Variants in CEP128 observed in about 807,000 individuals in gnomAD.
The protein encoded by CEP128 is centrosomal protein 128kDa.
A neutral mutation model predicts 156.7 loss-of-function variants in CEP128; 132 were observed. That is an observed-to-expected ratio of 0.84 (90% CI 0.73 to 0.97). The LOEUF (loss-of-function observed/expected upper bound fraction) is 0.97, where lower values mean the gene tolerates loss of function less well. CEP128 is among the 50% of genes least tolerant of loss of function. The pLI, the probability that CEP128 is intolerant of heterozygous loss-of-function variation, is 0.00. For missense variants in CEP128, 1,252 were observed against 1,281.9 expected, an observed-to-expected ratio of 0.98 and a Z score of 0.36; for synonymous variants, 469 against 448.9, an observed-to-expected ratio of 1.04 and a Z score of -0.57.
chr14:80,707,938 T>C lies in CEP128; in HGVS notation c.2806+35137A>G, dbSNP rs539475706. Among the ~76,000 whole-genome samples, 4 of 152,320 alleles carry C rather than the reference T, an allele frequency of 2.6e-5. No individual in the cohort carries two copies. In the South Asian group the frequency reaches 8.3e-4, roughly 32 times the overall value. ...TGAAAATTACATAAAATATTTACAT[T>C]GTTCTAAAGTCAAAAATAGGTATAG... On this transcript the variant is annotated intron_variant, in intron 19 of 24. Coordinates refer to ENST00000555265, the MANE Select transcript of CEP128 (RefSeq NM_152446.5).
intron 19 of CEP128, among the ~76,000 whole-genome samples, chr14:80,599,570 C>A (rs1027776209): frequency 6.6e-6 from 1 of 151,806 alleles, no homozygotes; most frequent in Admixed American, 6.6e-5. Context: ...CCACTGCGCC[C>A]GGCTGAGTCA....
chr14:80,715,737 T>C (rs1450265104), intron 19 of CEP128, among the ~76,000 whole-genome samples: 1 of 152,196 alleles, frequency 6.6e-6, no homozygotes, highest in East Asian at 1.9e-4. Context: ...ATCTGCTTTA[T>C]GTAACAGCCA....
At chr14:80,636,198 A>C (rs2140758502) in intron 19 of CEP128, among the ~76,000 whole-genome samples, 1 of 152,316 alleles carries the variant, frequency 6.6e-6, no homozygotes, top group East Asian at 1.9e-4. Context: ...GTTTGCATAC[A>C]TGGTAGTCAG....
intron 19 of CEP128, among the ~76,000 whole-genome samples, chr14:80,727,632 A>G (rs1379258010): frequency 6.6e-6 from 1 of 152,194 alleles, no homozygotes; most frequent in African/African-American, 2.4e-5. Flanking sequence ...GCATCCAACA[A>G]AGGTCCAATA....
At position 80,497,570 on chromosome 14, in the gene CEP128, CT is replaced by C. The variant is rs1406620918; in HGVS notation, c.3193del (p.Arg1065GlufsTer16). 1 of 1,611,602 alleles carries C rather than the reference CT, an allele frequency of 6.2e-7. No individual in the cohort carries two copies. Among genetic ancestry groups the C allele is most frequent in the Non-Finnish European group, 8.5e-7 (1 of 1,178,344 alleles). ...TGAAGCTGAATCTGGAGCAACAGTT[CT>C]TTTGGTAAATGCTGGCAAGGTAAGA... ...RFSYVNSFTK[R>X]TVAPDSASNK... On this transcript the variant is annotated frameshift_variant, in exon 25 of 25. Transcript: ENST00000555265. LOFTEE classifies it high-confidence loss of function.
chr14:80,661,427 G>A (rs1180066693), intron 19 of CEP128, among the ~76,000 whole-genome samples: 2 of 152,134 alleles, frequency 1.3e-5, no homozygotes, highest in Non-Finnish European at 2.9e-5. Context: ...GCAGGAAGTT[G>A]CTCTTAGGTA....
At chr14:80,518,375 A>T (rs1274072040) in intron 23 of CEP128, among the ~76,000 whole-genome samples, 1 of 151,962 alleles carries the variant, frequency 6.6e-6, no homozygotes, top group East Asian at 1.9e-4. Context: ...CCTGTCTCTC[A>T]TTATGACTCA....
At chr14:80,689,162 C>T (rs2139297066) in intron 19 of CEP128, among the ~76,000 whole-genome samples, 1 of 151,856 alleles carries the variant, frequency 6.6e-6, no homozygotes, top group East Asian at 1.9e-4. Flanking sequence ...ACCAGCCTGG[C>T]CAACATGGTG....
intron 13 of CEP128, chr14:80,830,318 A>C: frequency 1.9e-6 from 1 of 520,756 alleles, no homozygotes; most frequent in South Asian, 2.8e-5. Flanking sequence ...GATGAGTAAC[A>C]TTAAATATTT....
In CEP128 at chr14:80,947,812, A is replaced by T. The variant is rs550580853; in HGVS notation, c.-171-8272T>A. 2.9e-4 allele frequency among the ~76,000 whole-genome samples: 44 copies of T among 152,340 alleles called. 1 individual carries two copies. Among genetic ancestry groups the T allele is most frequent in the African/African-American group, 9.9e-4 (41 of 41,580 alleles). ...GCATAGGGAGAAAGTCTATGTTGAC[A>T]GAGTGCCCGGCCTCCACTCAAGCAA... On this transcript the variant is annotated intron_variant, in intron 2 of 7. Coordinates refer to the CEP128 transcript ENST00000555529.
At chr14:80,496,108 A>T (rs1887485118), downstream of CEP128, among the ~76,000 whole-genome samples, 1 of 151,912 alleles carries the variant, frequency 6.6e-6, no homozygotes, top group Non-Finnish European at 1.5e-5. Flanking sequence ...TGAACAAATC[A>T]CTCCTGTTTT....
Position 80,838,208 on chromosome 14 carries a change from T to C in CEP128, c.920A>G (p.His307Arg), listed in dbSNP as rs539813037. The change falls in exon 11 of 25, where the codon CAT becomes CGT. Residue 307 changes from histidine to arginine, a missense_variant. Transcript: ENST00000555265. ...QSEGSRETLL[H>R]QVEELRTQLT... ...TAATAACTTGCATAGACTTACCTGA[T>C]GCAAAAGTGTTTCTCGGCTGCCTTC... is the stretch of plus-strand genomic sequence containing the variant. 5.6e-6 allele frequency: 9 copies of C among 1,609,112 alleles called. 1 individual carries two copies. The African/African-American group carries it at 9.3e-5, about 17-fold the overall frequency.
exon 7 of CEP128, chr14:80,490,638 C>T (rs1887292799): frequency 6.6e-6 from 1 of 152,088 alleles, no homozygotes; most frequent in Admixed American, 6.6e-5. Context: ...GGGAAGTAAC[C>T]TTTAGTAGTT....
chr14:80,811,068 T>C (rs116320854), intron 13 of CEP128, among the ~76,000 whole-genome samples: 2,419 of 152,274 alleles, frequency 0.016, 33 homozygotes, highest in African/African-American at 0.028. Context: ...GTTAGTTTGC[T>C]GAGGTTAATG....
chr14:80,689,869 T>C (rs964042356), intron 19 of CEP128, among the ~76,000 whole-genome samples: 4 of 152,124 alleles, frequency 2.6e-5, no homozygotes, highest in Admixed American at 6.6e-5. Flanking sequence ...TAATAGATTA[T>C]CGATTAATTT....
intron 21 of CEP128, among the ~76,000 whole-genome samples, chr14:80,555,638 C>A (rs1032759142): frequency 6.6e-6 from 1 of 151,962 alleles, no homozygotes; most frequent in Admixed American, 6.6e-5. Flanking sequence ...TTTAACAAAC[C>A]CTTTTGTTCA....
intron 19 of CEP128, among the ~76,000 whole-genome samples, chr14:80,727,480 A>G (rs1248429751): frequency 6.6e-6 from 1 of 152,114 alleles, no homozygotes; most frequent in Non-Finnish European, 1.5e-5. Flanking sequence ...CGAAGATTAC[A>G]TGAGGAAGTC....
At chr14:80,601,990 C>G (rs922647348) in intron 19 of CEP128, among the ~76,000 whole-genome samples, 2 of 151,806 alleles carry the variant, frequency 1.3e-5, no homozygotes, top group Admixed American at 6.6e-5. Flanking sequence ...AGTTTAGATT[C>G]GAAGACAAAA....
At chr14:80,620,640 C>T (rs10162383) in intron 19 of CEP128, among the ~76,000 whole-genome samples, 3 of 152,054 alleles carry the variant, frequency 2.0e-5, no homozygotes, top group South Asian at 4.1e-4. Flanking sequence ...TAAACAATTA[C>T]GTAATACTGA....
Sources: gnomAD v4.1 joint callset for allele counts (sites outside exome capture counted in the v4.1 genomes callset) on GRCh38, gnomAD v4.1.1 for gene constraint, MANE v1.5 for transcripts, NCBI Gene and HGNC (gene_info 2026-07-23, HGNC 2026-07-21) for gene names.